Variants in PDE4D observed in about 807,000 individuals in gnomAD.
PDE4D encodes the protein 3',5'-cyclic-AMP phosphodiesterase 4D.
PDE4D carries 24 observed loss-of-function variants against 87.4 expected under a neutral mutation model. That is an observed-to-expected ratio of 0.27 (90% CI 0.20 to 0.39). PDE4D has a LOEUF of 0.39. PDE4D is among the 10% of genes least tolerant of loss of function. The pLI is 1.00. For missense variants in PDE4D, 714 were observed against 1,041.0 expected, an observed-to-expected ratio of 0.69 and a Z score of 4.32; for synonymous variants, 384 against 383.2, an observed-to-expected ratio of 1.00 and a Z score of -0.02.
At chr5:59,596,603 C>T (rs557832268) in intron 1 of PDE4D, among the ~76,000 whole-genome samples, 1 of 152,068 alleles carries the variant, frequency 6.6e-6, no homozygotes, top group East Asian at 1.9e-4. Flanking sequence ...TTGACATTGA[C>T]TTTGTTAAGT....
intron 2 of PDE4D, among the ~76,000 whole-genome samples, chr5:60,101,490 G>A (rs998171512): frequency 2.2e-4 from 34 of 152,072 alleles, no homozygotes; most frequent in African/African-American, 8.2e-4. Flanking sequence ...TACCTCCAGT[G>A]CGAAGGTAAA....
intron 1 of PDE4D, among the ~76,000 whole-genome samples, chr5:59,801,190 T>G (rs1767087623): frequency 6.6e-6 from 1 of 152,204 alleles, no homozygotes; most frequent in Admixed American, 6.5e-5. Context: ...TGTTGAAGTT[T>G]ATCAATCTAG....
At position 60,197,069 on chromosome 5, in the gene PDE4D, A is replaced by ACAGT. The variant is rs879794850; in HGVS notation, c.-89-11383_-89-11382insACTG. 2.7e-3 allele frequency among the ~76,000 whole-genome samples: 302 copies of ACAGT among 111,786 alleles called. 4 individuals carry two copies. The highest frequency in any genetic ancestry group is 3.3e-3 in the African/African-American group (91 of 27,950). The allele number at this position is 111,786 out of a possible 152,430, so 73.3% of individuals were successfully genotyped here. A position where few individuals can be genotyped will look rare whatever the true frequency, so the allele number is the denominator to read the frequency against. On this transcript the variant is annotated intron_variant, in intron 1 of 16. Coordinates refer to the PDE4D transcript ENST00000502484. ...GATAGATAGATAGATAGATAGATAG[A>ACAGT]TAGACAGTTAGATAGATAGATAGAT...
chr5:59,592,065 G>A, intron 1 of PDE4D: 1 of 833,888 alleles, frequency 1.2e-6, no homozygotes, highest in Non-Finnish European at 1.4e-6. Context: ...GAGACCTGAG[G>A]TGGCTGTGCT....
chr5:59,886,619 A>T (rs141509680), intron 1 of PDE4D, among the ~76,000 whole-genome samples: 1 of 152,338 alleles, frequency 6.6e-6, no homozygotes, highest in East Asian at 1.9e-4. Context: ...GATATTCATG[A>T]GTTTTCTGAA....
chr5:59,731,082 A>G (rs956162233), intron 1 of PDE4D, among the ~76,000 whole-genome samples: 3 of 152,010 alleles, frequency 2.0e-5, no homozygotes, highest in African/African-American at 7.2e-5. Context: ...TTATTTATAT[A>G]AGCCTAATGT....
At chr5:59,626,625 GA>G (rs986166292) in intron 1 of PDE4D, among the ~76,000 whole-genome samples, 2 of 152,200 alleles carry the variant, frequency 1.3e-5, no homozygotes, top group Non-Finnish European at 2.9e-5. Context: ...AACTAAAATA[GA>G]AGACATTAAT....
In PDE4D at chr5:60,265,222, C is replaced by T. The variant is rs561333556; in HGVS notation, c.-89-79535G>A. Among the ~76,000 whole-genome samples the T allele has an allele frequency of 5.9e-5, 9 of 152,258 alleles. No homozygotes were observed. The East Asian group carries it at 7.7e-4, about 13-fold the overall frequency. ...ACTCACAGCCCAGGGGAGGACAATG[C>T]ACCCCACACAGGCCACACAGGGGCC... is the stretch of plus-strand genomic sequence containing the variant. On this transcript the variant is annotated intron_variant, in intron 1 of 16. Coordinates refer to the PDE4D transcript ENST00000502484.
chr5:60,273,146 G>A (rs976810699), intron 1 of PDE4D, among the ~76,000 whole-genome samples: 9 of 152,152 alleles, frequency 5.9e-5, no homozygotes, highest in African/African-American at 2.2e-4. Flanking sequence ...GGGAACTGAA[G>A]GTCAGTGTGG....
At chr5:59,063,485 C>T (rs1763446400) in intron 5 of PDE4D, 1 of 152,180 alleles carries the variant, frequency 6.6e-6, no homozygotes, top group South Asian at 2.1e-4. Context: ...TCAACATTAA[C>T]TCTTAATTAA....
At chr5:59,633,555 C>T (rs1013298092) in intron 1 of PDE4D, among the ~76,000 whole-genome samples, 19 of 152,214 alleles carry the variant, frequency 1.2e-4, no homozygotes, top group African/African-American at 4.3e-4. Context: ...AGAAACCCTA[C>T]AAGCCAGAAG....
intron 1 of PDE4D, among the ~76,000 whole-genome samples, chr5:59,300,842 C>A (rs749284710): frequency 2.6e-5 from 4 of 152,170 alleles, no homozygotes; most frequent in Non-Finnish European, 5.9e-5. Flanking sequence ...AGCTTCTAAC[C>A]GGCCACCTCC....
intron 1 of PDE4D, among the ~76,000 whole-genome samples, chr5:60,440,980 C>A (rs1745159633): frequency 6.6e-6 from 1 of 152,026 alleles, no homozygotes; most frequent in Admixed American, 6.6e-5. Flanking sequence ...ACATAGAAAT[C>A]AAGATTCATT....
chr5:59,073,189 T>C (rs1765127361), intron 5 of PDE4D, among the ~76,000 whole-genome samples: 1 of 152,160 alleles, frequency 6.6e-6, no homozygotes, highest in Admixed American at 6.6e-5. Flanking sequence ...CCTTACAGGA[T>C]TCTCAGGAGT....
chr5:59,370,108 CG>C (rs905947613), intron 1 of PDE4D, among the ~76,000 whole-genome samples: 3 of 152,170 alleles, frequency 2.0e-5, no homozygotes, highest in African/African-American at 7.2e-5. Context: ...TGCCATCACC[CG>C]GGTCCAAGTC....
chr5:59,423,663 C>G (rs983860297), intron 1 of PDE4D, among the ~76,000 whole-genome samples: 4 of 151,890 alleles, frequency 2.6e-5, no homozygotes, highest in African/African-American at 9.7e-5. Flanking sequence ...GGATTCATCA[C>G]AAAATGAGGA....
At chr5:60,202,351 A>T (rs906917612) in intron 1 of PDE4D, among the ~76,000 whole-genome samples, 1 of 152,038 alleles carries the variant, frequency 6.6e-6, no homozygotes, top group African/African-American at 2.4e-5. Context: ...AAATTTTGTA[A>T]AGATAGAGTT....
chr5:59,869,338 T>C (rs1465360119), intron 1 of PDE4D, among the ~76,000 whole-genome samples: 2 of 152,116 alleles, frequency 1.3e-5, no homozygotes, highest in African/African-American at 4.8e-5. Flanking sequence ...TTATTCAGTG[T>C]AGAGGAAACA....
At position 59,246,879 on chromosome 5, in the gene PDE4D, A is replaced by G. The variant is rs534446761; in HGVS notation, c.456-30911T>C. Reference sequence around the variant, plus strand: ...GTCAGAACTCTACAACTAAATATTTATAACCCTCAAATACACAGATACATT... The same window carrying G: ...GTCAGAACTCTACAACTAAATATTTGTAACCCTCAAATACACAGATACATT... On this transcript the variant is annotated intron_variant, in intron 1 of 14. Transcript: ENST00000340635. Among the ~76,000 whole-genome samples the G allele has an allele frequency of 5.3e-5, 8 of 152,270 alleles. No homozygotes were observed. The South Asian group carries it at 1.5e-3, about 28-fold the overall frequency.
Sources: allele counts gnomAD v4.1 joint callset (sites outside exome capture counted in the v4.1 genomes callset), GRCh38; gene constraint gnomAD v4.1.1; transcripts MANE v1.5; gene names NCBI Gene and HGNC (gene_info 2026-07-23, HGNC 2026-07-21).